AHNAK2: variants seen among roughly 807,000 people sequenced by gnomAD.
AHNAK2 encodes AHNAK nucleoprotein 2, also known as protein AHNAK2.
AHNAK2 carries 18 observed loss-of-function variants against 30.7 expected under a neutral mutation model. The ratio of observed to expected loss-of-function variants is 0.59; its 90% confidence interval spans 0.41 to 0.87. The LOEUF is 0.87. Ranked by LOEUF, AHNAK2 falls within the 40% of genes least tolerant of loss-of-function variation. The pLI, the probability that AHNAK2 is intolerant of heterozygous loss-of-function variation, is 0.00. For missense variants in AHNAK2, 8,604 were observed against 7,373.0 expected (o/e 1.17, Z -6.11); for synonymous variants, 3,590 against 3,073.8 (o/e 1.17, Z -5.56).
chr14:104,945,899 C>T lies in AHNAK2; in HGVS notation c.9552G>A (p.Gly3184=), dbSNP rs373082945. Residue 3184 remains glycine (G), a synonymous_variant, in exon 7 of 7, where the codon GGG becomes GGA. Transcript: ENST00000333244. ...TGCTGATGTCAGTGTTCTTCAGGTC[C>T]CCCTGCATGGAGGGGAGGCTCAGGT... ...EADLSLPSMQ[G]DLKNTDISIE... The T allele has an allele frequency of 8.0e-7, 1 of 1,253,072 alleles. No individual in the cohort carries two copies. Among genetic ancestry groups the T allele is most frequent in the Admixed American group, 1.9e-5 (1 of 53,690 alleles). The allele number at this position is 1,253,072 out of a possible 1,614,324, so 77.6% of individuals were successfully genotyped here.
chr14:104,941,554 G>A lies in AHNAK2; in HGVS notation c.13897C>T (p.Leu4633=), dbSNP rs758162412. ...GKDSKFQGPK[L]STSGFEWSSK... Reference sequence around the variant, plus strand: ...GACCATTCAAAACCAGACGTGCTCAGTTTTGGTCCTTGAAACTTACTGTCT... The same window carrying A: ...GACCATTCAAAACCAGACGTGCTCAATTTTGGTCCTTGAAACTTACTGTCT... The change falls in exon 7 of 7, where the codon CTG becomes TTG. Residue 4633 remains leucine (L), a synonymous_variant. Transcript: ENST00000333244. 6.2e-7 allele frequency: 1 copy of A among 1,613,154 alleles called. No individual in the cohort carries two copies. Among genetic ancestry groups the A allele is most frequent in the South Asian group, 1.1e-5 (1 of 91,082 alleles).
At chr14:104,969,184 A>T in intron 1 of AHNAK2, among the ~76,000 whole-genome samples, 1 of 152,158 alleles carries the variant, frequency 6.6e-6, no homozygotes, top group East Asian at 1.9e-4. Flanking sequence ...AGCCAGACTC[A>T]GTCCCCTAGA....
chr14:104,960,308 A>C (rs77347348), intron 1 of AHNAK2, among the ~76,000 whole-genome samples: 1 of 152,194 alleles, frequency 6.6e-6, no homozygotes, highest in African/African-American at 2.4e-5. Flanking sequence ...ATGTTCTCCC[A>C]AAAATTGCAC....
rs1253864691 is a variant in AHNAK2, at chr14:104,942,793, G to A, written c.12658C>T (p.Gln4220Ter). 1.2e-6 allele frequency: 2 copies of A among 1,612,802 alleles called. No homozygotes were observed. Among genetic ancestry groups the A allele is most frequent in the East Asian group, 2.2e-5 (1 of 44,754 alleles). The change falls in exon 7 of 7, where the codon CAG becomes TAG. Residue 4220 changes from glutamine to a stop codon, truncating the protein, a stop_gained. Transcript: ENST00000333244. LOFTEE classifies it low-confidence loss of function (END_TRUNC). The part of the protein sequence containing the change: ...AGLKGHLPKV[Q>*]MPCLKMPKVA... ...TTGGGCATCTTCAAACAGGGCATCT[G>A]CACCTTGGGGAGGTGCCCTTTGAGG...
chr14:104,956,806 C>A (rs1305401274), intron 3 of AHNAK2, 117 bp from the exon 4 acceptor site: 2 of 925,486 alleles, frequency 2.2e-6, no homozygotes, highest in Non-Finnish European at 3.5e-6. Context: ...GAACTTCCAA[C>A]ACACAGCTGT....
In AHNAK2 at chr14:104,943,877, G is replaced by A. The variant is rs778476413; in HGVS notation, c.11574C>T (p.Ala3858=). The change falls in exon 7 of 7, where the codon GCC becomes GCT. Residue 3858 remains alanine, a synonymous_variant. Coordinates refer to ENST00000333244, the MANE Select transcript of AHNAK2 (RefSeq NM_138420.4). ...TTDLSIQPHS[A]DLTVQARQVD... is the part of the protein sequence containing the mutation. ...CCTGGCGAGCTTGGACCGTCAGGTC[G>A]GCAGAATGGGGCTGAATGCTGAGGT... 1.6e-5 allele frequency: 26 copies of A among 1,611,910 alleles called. No individual in the cohort carries two copies. The highest frequency in any genetic ancestry group is 9.0e-5 in the East Asian group (4 of 44,690).
Position 104,953,625 on chromosome 14 carries a change from G to T in AHNAK2, c.1826C>A (p.Thr609Lys), listed in dbSNP as rs1898872922. ...GGCCTCTCCTTCCCTTCCCTGCTCT[G>T]TGTCTTCTGTGGCTTTTTCTCTGCC... The part of the protein sequence containing the change: ...KTGREKATED[T>K]EQGREGEATA... Residue 609 changes from threonine (T) to lysine (K), a missense_variant, in exon 7 of 7, where the codon ACA becomes AAA. Transcript: ENST00000333244. 6.2e-7 allele frequency: 1 copy of T among 1,613,854 alleles called. No individual in the cohort carries two copies. The highest frequency in any genetic ancestry group is 2.2e-5 in the East Asian group (1 of 44,872).
Position 104,951,793 on chromosome 14 carries a change from G to A in AHNAK2, c.3658C>T (p.Leu1220=), listed in dbSNP as rs1423230216. 3 of 1,353,556 alleles carry A rather than the reference G, an allele frequency of 2.2e-6. 1 individual carries two copies. Among genetic ancestry groups the A allele is most frequent in the African/African-American group, 1.4e-5 (1 of 71,790 alleles). 83.8% of individuals were successfully genotyped at this position (1,353,556 alleles called of 1,614,324 possible). Residue 1220 remains leucine (L), a synonymous_variant, in exon 7 of 7, where the codon CTG becomes TTG. Coordinates refer to ENST00000333244, the MANE Select transcript of AHNAK2 (RefSeq NM_138420.4). ...DLSIQPPSAD[L]EVHAGQVDVK... ...TCCACCTGGCCAGCGTGGACCTCCAGGTCAGCGGAAGGGGGCTGAATGCTG... is the reference window on the plus strand; with the variant it reads ...TCCACCTGGCCAGCGTGGACCTCCAAGTCAGCGGAAGGGGGCTGAATGCTG...
chr14:104,947,931 T>G lies in AHNAK2; in HGVS notation c.7520A>C (p.Asp2507Ala). ...APGKSIEASVDVSAPKVEADG... is the reference protein window; with the variant it reads ...APGKSIEASVAVSAPKVEADG... ...GGCCTCCACCTTCGGCGCAGACACA[T>G]CCACCGAGGCCTCGATGGACTTGCC... The change falls in exon 7 of 7, where the codon GAT becomes GCT. Residue 2507 changes from aspartate to alanine, a missense_variant. Physicochemically the swap from Asp to Ala is moderately radical, Grantham distance 126. Transcript: ENST00000333244. The G allele has an allele frequency of 4.3e-6, 7 of 1,612,316 alleles. No homozygotes were observed. Among genetic ancestry groups the G allele is most frequent in the South Asian group, 1.1e-5 (1 of 91,008 alleles).
At chr14:104,976,139 G>C (rs1899585024) in intron 1 of AHNAK2, among the ~76,000 whole-genome samples, 3 of 152,172 alleles carry the variant, frequency 2.0e-5, no homozygotes, top group Non-Finnish European at 4.4e-5. Flanking sequence ...TGTCTCCCCA[G>C]TTATCAGGGG....
chr14:104,973,493 C>T (rs1899526730), intron 1 of AHNAK2, among the ~76,000 whole-genome samples: 1 of 152,188 alleles, frequency 6.6e-6, no homozygotes, highest in Admixed American at 6.5e-5. Context: ...GGCCTTAATT[C>T]CACCTGGTGG....
chr14:104,947,792 C>G lies in AHNAK2; in HGVS notation c.7659G>C (p.Glu2553Asp). Residue 2553 changes from glutamate to aspartate, a missense_variant, in exon 7 of 7, where the codon GAG becomes GAC. Coordinates refer to ENST00000333244, the MANE Select transcript of AHNAK2 (RefSeq NM_138420.4). ...GGCCGGCTCCCTCCGGCACAGGGCC[C>G]TCTGGGAGTTTCACGTCCACTTGGC... ...QAGQVDVKLP[E>D]GPVPEGAGLK... 6.2e-7 allele frequency: 1 copy of G among 1,612,716 alleles called. No homozygotes were observed. The highest frequency in any genetic ancestry group is 8.5e-7 in the Non-Finnish European group (1 of 1,179,614).
At position 104,952,105 on chromosome 14, in the gene AHNAK2, C is replaced by G. The variant is rs1405583377; in HGVS notation, c.3346G>C (p.Glu1116Gln). 1.2e-6 allele frequency: 2 copies of G among 1,612,792 alleles called. No individual in the cohort carries two copies. The highest frequency in any genetic ancestry group is 1.7e-6 in the Non-Finnish European group (2 of 1,179,732). The change falls in exon 7 of 7, where the codon GAA becomes CAA. Residue 1116 changes from glutamate to glutamine, a missense_variant. Transcript: ENST00000333244. Reference sequence around the variant, plus strand: ...ACCTCCACATCAGGGGCTGTGACTTCCGCCTTGGGGCTTTTCAGGTCCAGC... The same window carrying G: ...ACCTCCACATCAGGGGCTGTGACTTGCGCCTTGGGGCTTTTCAGGTCCAGC... ...PKLDLKSPKAEVTAPDVEVSL... is the reference protein window; with the variant it reads ...PKLDLKSPKAQVTAPDVEVSL...
In AHNAK2 at chr14:104,952,942, T is replaced by A. The variant is rs185739176; in HGVS notation, c.2509A>T (p.Lys837Ter). ...ACCCCGAATGATGGCATCTTGAACTTGGGCATTTTGAACTTGCTGTCTTTG... is the reference window on the plus strand; with the variant it reads ...ACCCCGAATGATGGCATCTTGAACTAGGGCATTTTGAACTTGCTGTCTTTG... ...TAKDSKFKMPKFKMPSFGVSA... is the reference protein window; with the variant it reads ...TAKDSKFKMP Residue 837 changes from lysine (K) to a stop codon, truncating the protein, a stop_gained, in exon 7 of 7, where the codon AAG becomes TAG. Transcript: ENST00000333244. LOFTEE classifies it low-confidence loss of function (END_TRUNC). 6.2e-7 allele frequency: 1 copy of A among 1,611,638 alleles called. No individual in the cohort carries two copies. The highest frequency in any genetic ancestry group is 1.4e-5 in the African/African-American group (1 of 74,034).
chr14:104,943,850 C>T lies in AHNAK2; in HGVS notation c.11601G>A (p.Val3867=). 1 of 1,613,056 alleles carries T rather than the reference C, an allele frequency of 6.2e-7. No individual in the cohort carries two copies. ...SADLTVQARQ[V]DMKLLEGHVP... is the part of the protein sequence containing the mutation. ...CGTGGCCCTCCAGGAGTTTCATGTC[C>T]ACCTGGCGAGCTTGGACCGTCAGGT... The change falls in exon 7 of 7, where the codon GTG becomes GTA. Residue 3867 remains valine (V), a synonymous_variant. Coordinates refer to ENST00000333244, the MANE Select transcript of AHNAK2 (RefSeq NM_138420.4).
intron 1 of AHNAK2, among the ~76,000 whole-genome samples, chr14:104,963,207 C>A (rs1406614577): frequency 2.0e-5 from 3 of 152,076 alleles, no homozygotes; most frequent in Admixed American, 6.6e-5. Context: ...TCAATAAGTA[C>A]AAGGAAAGAT....
intron 1 of AHNAK2, among the ~76,000 whole-genome samples, chr14:104,973,899 G>A (rs1253490527): frequency 2.0e-5 from 3 of 152,196 alleles, no homozygotes; most frequent in Admixed American, 6.5e-5. Context: ...GAGGGGAGGG[G>A]AGGGCGGTGG....
At chr14:104,956,156 T>C (rs1316384467) in intron 4 of AHNAK2, among the ~76,000 whole-genome samples, 2 of 152,174 alleles carry the variant, frequency 1.3e-5, no homozygotes, top group African/African-American at 2.4e-5. Context: ...AAAAAACTAG[T>C]TGCTTAAGAG....
At position 104,947,816 on chromosome 14, in the gene AHNAK2, G is replaced by C; in HGVS notation, c.7635C>G (p.Gly2545=). ...CCTCTGGGAGTTTCACGTCCACTTG[G>C]CCAGCCTGGACCTCCAGGTCAGCGG... ...PPSADLEVQA[G]QVDVKLPEGP... The change falls in exon 7 of 7, where the codon GGC becomes GGG. Residue 2545 remains glycine (G), a synonymous_variant. Coordinates refer to ENST00000333244, the MANE Select transcript of AHNAK2 (RefSeq NM_138420.4). The C allele has an allele frequency of 1.9e-6, 3 of 1,612,584 alleles. No homozygotes were observed. Among genetic ancestry groups the C allele is most frequent in the Non-Finnish European group, 2.5e-6 (3 of 1,179,594 alleles).
Sources: gnomAD v4.1 joint callset for allele counts (sites outside exome capture counted in the v4.1 genomes callset) on GRCh38, gnomAD v4.1.1 for gene constraint, MANE v1.5 for transcripts, NCBI Gene and HGNC (gene_info 2026-07-23, HGNC 2026-07-21) for gene names.